GPR19: variants seen among roughly 807,000 people sequenced by gnomAD.
GPR19 encodes probable G protein-coupled receptor 19.
In GPR19, 14 loss-of-function variants were observed where a neutral mutation model predicts 28.5. The observed-to-expected ratio is 0.49, with a 90% CI of 0.32 to 0.77. The LOEUF (loss-of-function observed/expected upper bound fraction) is 0.77, where lower values mean the gene tolerates loss of function less well. Ranked by LOEUF, GPR19 falls within the 30% of genes least tolerant of loss-of-function variation. GPR19 has a pLI of 0.03. For missense variants in GPR19, 409 were observed against 504.1 expected (o/e 0.81, Z 1.81); for synonymous variants, 173 against 184.1 (o/e 0.94, Z 0.49).
At chr12:12,703,415 A>G in the GPR19 span, 16 of 985,422 alleles carry the variant, frequency 1.6e-5, no homozygotes, top group East Asian at 3.4e-4. Context: ...GCCATAGGAC[A>G]TGAAAAGCCA....
At chr12:12,686,702 A>G (rs1318936260) in intron 2 of GPR19, among the ~76,000 whole-genome samples, 1 of 152,222 alleles carries the variant, frequency 6.6e-6, no homozygotes, top group Non-Finnish European at 1.5e-5. Flanking sequence ...GAGCAGGCAT[A>G]GTGTACTATG....
At chr12:12,716,768 A>G in the GPR19 span, 3 of 985,174 alleles carry the variant, frequency 3.0e-6, no homozygotes, top group Non-Finnish European at 1.2e-6. Flanking sequence ...GGATGGCAGA[A>G]ACTTCTGGGT....
At chr12:12,663,428 C>CAAA (rs59519930) in intron 3 of GPR19, among the ~76,000 whole-genome samples, 55,668 of 145,350 alleles carry the variant, frequency 0.38, 10,998 homozygotes, top group East Asian at 0.53. Context: ...GACCCTATCT[C>CAAA]AAAAAAAAAA....
At chr12:12,698,604 G>A (rs1352380650), upstream of GPR19, among the ~76,000 whole-genome samples, 1 of 122,994 alleles carries the variant, frequency 8.1e-6, no homozygotes, top group Non-Finnish European at 1.7e-5. Flanking sequence ...TTTCATGATC[G>A]ATAACTTAAA....
chr12:12,661,587 A>C lies in GPR19; in HGVS notation c.862T>G (p.Ser288Ala), dbSNP rs1173555000. 1 of 1,614,168 alleles carries C rather than the reference A, an allele frequency of 6.2e-7. No homozygotes were observed. Residue 288 changes from serine to alanine, a missense_variant, in exon 4 of 4, where the codon TCC becomes GCC. By Grantham distance (99) the Ser-to-Ala change is moderately conservative (BLOSUM62 1). Coordinates refer to ENST00000651487, the MANE Select transcript of GPR19 (RefSeq NM_006143.3). This position sits in a 1 kb window ranked among gnomAD's most constrained non-coding sequence, Gnocchi z 4.2. ...FLILNLLFLL[S>A]WLPFHVAQLW... ...TGAGCTACATGAAAAGGCAGCCAGG[A>C]GAGCAAAAACAACAGATTTAAAATG...
chr12:12,707,476 T>C, the GPR19 span, among the ~76,000 whole-genome samples: 1 of 152,232 alleles, frequency 6.6e-6, no homozygotes, highest in Non-Finnish European at 1.5e-5. Context: ...TGAGGGTTCA[T>C]TAAAAATTTA....
chr12:12,677,777 C>T (rs1036810032), intron 3 of GPR19, among the ~76,000 whole-genome samples: 1 of 151,858 alleles, frequency 6.6e-6, no homozygotes, highest in Non-Finnish European at 1.5e-5. Flanking sequence ...ATCGTTGACT[C>T]AAATCACCTA....
At chr12:12,672,433 T>A (rs1007058687) in intron 3 of GPR19, among the ~76,000 whole-genome samples, 3 of 151,686 alleles carry the variant, frequency 2.0e-5, no homozygotes, top group African/African-American at 7.3e-5. Context: ...AGATACAATG[T>A]AAAAAAAACA....
At position 12,661,611 on chromosome 12, in the gene GPR19, T is replaced by C. The variant is rs1344341192; in HGVS notation, c.838A>G (p.Ile280Val). ...TKVKTIKMFL[I>V]LNLLFLLSWL... Reference sequence around the variant, plus strand: ...GAGAGCAAAAACAACAGATTTAAAATGAGGAACATCTTGATAGTTTTCACT... The same window carrying C: ...GAGAGCAAAAACAACAGATTTAAAACGAGGAACATCTTGATAGTTTTCACT... The change falls in exon 4 of 4, where the codon ATT (isoleucine) becomes GTT (valine). Residue 280 changes from isoleucine to valine, a missense_variant. Physicochemically the swap from Ile to Val is conservative, Grantham distance 29. Coordinates refer to ENST00000651487, the MANE Select transcript of GPR19 (RefSeq NM_006143.3). This position sits in a 1 kb window ranked among gnomAD's most constrained non-coding sequence, Gnocchi z 4.2. 1 of 1,613,882 alleles carries C rather than the reference T, an allele frequency of 6.2e-7. No individual in the cohort carries two copies. The highest frequency in any genetic ancestry group is 1.3e-5 in the African/African-American group (1 of 74,904).
chr12:12,717,008 G>A, the GPR19 span: 1 of 998,146 alleles, frequency 1.0e-6, no homozygotes, highest in Non-Finnish European at 1.2e-6. Context: ...CGGGCGAGGA[G>A]CGGGAGGGAG....
At chr12:12,703,344 TACC>T in the GPR19 span, 4,101 of 980,270 alleles carry the variant, frequency 4.2e-3, 12 homozygotes, top group Non-Finnish European at 4.7e-3. Flanking sequence ...TCTCACTTTT[TACC>T]ACAAGTAGTA....
chr12:12,700,460 A>G (rs1946314789), upstream of GPR19, among the ~76,000 whole-genome samples: 1 of 152,180 alleles, frequency 6.6e-6, no homozygotes, highest in African/African-American at 2.4e-5. Context: ...ACTATGTCAT[A>G]TGACTACCTT....
chr12:12,677,569 G>A (rs1036760956), intron 3 of GPR19, among the ~76,000 whole-genome samples: 7 of 151,928 alleles, frequency 4.6e-5, no homozygotes, highest in African/African-American at 1.5e-4. Context: ...GAGCCACTGC[G>A]CCTGGCCACA....
upstream of GPR19, chr12:12,696,331 C>T (rs1946261040): frequency 1.4e-5 from 2 of 138,906 alleles, 1 homozygote; most frequent in African/African-American, 5.3e-5. Flanking sequence ...GTTGAGATCC[C>T]ACCCGCCCTT....
intron 2 of GPR19, among the ~76,000 whole-genome samples, chr12:12,690,912 A>G (rs1000570435): frequency 1.3e-5 from 2 of 152,086 alleles, no homozygotes; most frequent in African/African-American, 4.8e-5. Context: ...AGCAAGTTGG[A>G]AGTTTAATTA....
At chr12:12,698,703 C>T (rs1475749760), upstream of GPR19, among the ~76,000 whole-genome samples, 7 of 152,026 alleles carry the variant, frequency 4.6e-5, no homozygotes, top group Admixed American at 6.5e-5. Flanking sequence ...CTCCACCTCC[C>T]GGGTTCAAGC....
chr12:12,668,514 A>T (rs903887823), intron 3 of GPR19, among the ~76,000 whole-genome samples: 7 of 152,062 alleles, frequency 4.6e-5, no homozygotes, highest in African/African-American at 1.7e-4. Flanking sequence ...TCTATTTTTT[A>T]AGTCTAAAAA....
upstream of GPR19, among the ~76,000 whole-genome samples, chr12:12,700,161 T>TTC (rs10689575): frequency 3.9e-4 from 56 of 145,168 alleles, no homozygotes; most frequent in African/African-American, 6.7e-4. Flanking sequence ...CTCTCTTTCT[T>TTC]TCTCTCTCTC....
At chr12:12,678,877 G>C (rs2136328022) in intron 3 of GPR19, among the ~76,000 whole-genome samples, 1 of 152,212 alleles carries the variant, frequency 6.6e-6, no homozygotes, top group East Asian at 1.9e-4. Context: ...ACTCACTACA[G>C]CCTCTGCCTC....
Sources: allele counts gnomAD v4.1 joint callset (sites outside exome capture counted in the v4.1 genomes callset), GRCh38; gene constraint gnomAD v4.1.1; non-coding constraint Gnocchi (gnomAD v3.1); transcripts MANE v1.5; gene names NCBI Gene and HGNC (gene_info 2026-07-23, HGNC 2026-07-21).